Variants in SNX6 observed in about 807,000 individuals in gnomAD.
SNX6 encodes the protein sorting nexin-6.
A neutral mutation model predicts 63.0 loss-of-function variants in SNX6; 34 were observed. The observed-to-expected ratio is 0.54, with a 90% confidence interval of 0.41 to 0.72. The LOEUF (loss-of-function observed/expected upper bound fraction) is 0.72. Among genes scored for constraint, SNX6 ranks in the 30% least tolerant of loss-of-function variants. SNX6 has a pLI of 0.00. For missense variants in SNX6, 398 were observed against 471.4 expected (o/e 0.84, Z 1.44); for synonymous variants, 170 against 164.2 (o/e 1.04, Z -0.27).
At chr14:34,592,415 G>A (rs1008328743) in intron 8 of SNX6, among the ~76,000 whole-genome samples, 1 of 152,032 alleles carries the variant, frequency 6.6e-6, no homozygotes, top group South Asian at 2.1e-4. Flanking sequence ...GTGCATGGCC[G>A]GAAAGAATAT....
intron 2 of SNX6, among the ~76,000 whole-genome samples, chr14:34,610,697 C>T (rs1374421486): frequency 6.6e-6 from 1 of 151,490 alleles, no homozygotes; most frequent in Non-Finnish European, 1.5e-5. Flanking sequence ...GACTCTTCTA[C>T]TTATTAATTT....
chr14:34,569,654 T>C (rs1881354568), intron 11 of SNX6, among the ~76,000 whole-genome samples: 1 of 152,176 alleles, frequency 6.6e-6, no homozygotes, highest in African/African-American at 2.4e-5. Context: ...AAAAATGGAA[T>C]AGTGTGATTT....
intron 2 of SNX6, 32 bp downstream of exon 2, chr14:34,629,875 G>C (rs1470258013): frequency 6.4e-7 from 1 of 1,551,892 alleles, no homozygotes; most frequent in Admixed American, 2.0e-5. Context: ...GAGGGTCCAG[G>C]GTCCCGCGAG....
At position 34,575,799 on chromosome 14, in the gene SNX6, G is replaced by A; in HGVS notation, c.878C>T (p.Ser293Phe). 9 of 1,596,218 alleles carry A rather than the reference G, an allele frequency of 5.6e-6. No homozygotes were observed. The highest frequency in any genetic ancestry group is 7.7e-6 in the Non-Finnish European group (9 of 1,171,886). Residue 293 changes from serine (S) to phenylalanine (F), a missense_variant, in exon 11 of 14, where the codon TCT (serine) becomes TTT (phenylalanine). Coordinates refer to ENST00000362031, the MANE Select transcript of SNX6 (RefSeq NM_152233.4). ...TCTTAAGTAATATTTTAAAAGATCAGAAAGTTTGAGGTCTTCATCAGCAGA... is the reference window on the plus strand; with the variant it reads ...TCTTAAGTAATATTTTAAAAGATCAAAAAGTTTGAGGTCTTCATCAGCAGA... ...RVSADEDLKL[S>F]DLLKYYLRES...
At chr14:34,604,233 A>C (rs1256443845) in intron 5 of SNX6, 1 of 1,288,678 alleles carries the variant, frequency 7.8e-7, no homozygotes, top group African/African-American at 1.5e-5. Context: ...TGGAGGTAGC[A>C]GTAGAATAAA....
intron 11 of SNX6, among the ~76,000 whole-genome samples, chr14:34,572,484 A>G (rs1881489685): frequency 6.6e-6 from 1 of 152,176 alleles, no homozygotes; most frequent in South Asian, 2.1e-4. Flanking sequence ...ATAAGATATA[A>G]TTTGATATGA....
At position 34,582,130 on chromosome 14, in the gene SNX6, AT is replaced by A. The variant is rs1289997311; in HGVS notation, c.795-531del. Among the ~76,000 whole-genome samples the A allele has an allele frequency of 5.7e-3, 652 of 115,392 alleles. 5 individuals carry two copies. Among genetic ancestry groups the A allele is most frequent in the African/African-American group, 0.014 (426 of 30,164 alleles). 75.7% of individuals were successfully genotyped at this position (115,392 alleles called of 152,430 possible). A position where few individuals can be genotyped will look rare whatever the true frequency, so the allele number is the denominator to read the frequency against. On this transcript the variant is annotated intron_variant, in intron 9 of 13. Coordinates refer to ENST00000362031, the MANE Select transcript of SNX6 (RefSeq NM_152233.4). ...GTGTGAGCCACCACGCCCGGCCCTG[AT>A]TTTTTTTTTTTTTTTTTTGAGTCAG...
At chr14:34,624,577 CATG>C (rs1185362853) in intron 2 of SNX6, among the ~76,000 whole-genome samples, 3,185 of 152,042 alleles carry the variant, frequency 0.021, 109 homozygotes, top group African/African-American at 0.069. Context: ...GAGGGTGGAT[CATG>C]AAGTCAAGAG....
chr14:34,613,602 C>A (rs1342996439), intron 2 of SNX6, among the ~76,000 whole-genome samples: 1 of 151,596 alleles, frequency 6.6e-6, no homozygotes. Flanking sequence ...ATCATCCTGG[C>A]TAACACAGTG....
chr14:34,569,507 A>C (rs985010574), intron 11 of SNX6, among the ~76,000 whole-genome samples: 3 of 151,798 alleles, frequency 2.0e-5, no homozygotes, highest in Non-Finnish European at 2.9e-5. Context: ...GGCTCACTAC[A>C]ACCTCCACCT....
At chr14:34,567,278 G>C (rs1281833960) in intron 13 of SNX6, among the ~76,000 whole-genome samples, 1 of 151,816 alleles carries the variant, frequency 6.6e-6, no homozygotes, top group Non-Finnish European at 1.5e-5. Flanking sequence ...TTTGAGGACG[G>C]GATTTCGAGA....
chr14:34,623,829 A>C (rs1883720100), intron 2 of SNX6, among the ~76,000 whole-genome samples: 6 of 152,210 alleles, frequency 3.9e-5, no homozygotes, highest in Admixed American at 3.9e-4. Flanking sequence ...TAATTCTTGA[A>C]AACAATAAAC....
At chr14:34,568,949 T>C in intron 11 of SNX6, 1 of 1,365,452 alleles carries the variant, frequency 7.3e-7, no homozygotes, top group Non-Finnish European at 1.0e-6. Flanking sequence ...TGCCACGCTG[T>C]GGAAGCAGCT....
Position 34,629,651 on chromosome 14 carries a change from G to A in SNX6, c.54+256C>T, listed in dbSNP as rs939764516. ...CACCTGCACCCCGCCCCGCGTGGGA[G>A]TGGAGGTCCACCAGAAGGCCCGAAC... On this transcript the variant is annotated intron_variant, in intron 2 of 13. Transcript: ENST00000362031. 3.2e-5 allele frequency: 22 copies of A among 681,170 alleles called. No individual in the cohort carries two copies. In the African/African-American group the frequency reaches 3.9e-4, roughly 12 times the overall value. The allele number at this position is 681,170 out of a possible 1,614,324, so 42.2% of individuals were successfully genotyped here. A position where few individuals can be genotyped will look rare whatever the true frequency, so the allele number is the denominator to read the frequency against.
chr14:34,572,051 C>T (rs1594696210), intron 11 of SNX6, among the ~76,000 whole-genome samples: 1 of 151,514 alleles, frequency 6.6e-6, no homozygotes, highest in Admixed American at 6.6e-5. Context: ...TAGTATATTT[C>T]GCCTTTTAAG....
At chr14:34,590,549 T>C (rs1019169142) in intron 8 of SNX6, among the ~76,000 whole-genome samples, 1 of 151,990 alleles carries the variant, frequency 6.6e-6, no homozygotes, top group African/African-American at 2.4e-5. Context: ...ACTGACCTAC[T>C]TGAATAAAGT....
intron 7 of SNX6, among the ~76,000 whole-genome samples, chr14:34,596,722 C>A (rs1201070382): frequency 6.6e-6 from 1 of 151,494 alleles, no homozygotes; most frequent in South Asian, 2.1e-4. Flanking sequence ...TTCTCACTGT[C>A]GCCCAGGCTG....
chr14:34,629,861 G>A (rs922480451), intron 2 of SNX6, 46 bp downstream of exon 2: 12 of 1,549,934 alleles, frequency 7.7e-6, no homozygotes, highest in Non-Finnish European at 1.0e-5. Context: ...CCAGGATGGG[G>A]AAGGAGGGTC....
chr14:34,625,165 T>C (rs1883779959), intron 2 of SNX6, among the ~76,000 whole-genome samples: 1 of 152,056 alleles, frequency 6.6e-6, no homozygotes, highest in South Asian at 2.1e-4. Flanking sequence ...TCCACCCACC[T>C]CTGCCTCCCA....
Sources: gnomAD v4.1 joint callset for allele counts (sites outside exome capture counted in the v4.1 genomes callset) on GRCh38, gnomAD v4.1.1 for gene constraint, MANE v1.5 for transcripts, NCBI Gene and HGNC (gene_info 2026-07-23, HGNC 2026-07-21) for gene names.